Variants in DNAAF4 observed in about 807,000 individuals in gnomAD.
DNAAF4 encodes dynein axonemal assembly factor 4.
A neutral mutation model predicts 51.8 loss-of-function variants in DNAAF4; 43 were observed. The ratio of observed to expected loss-of-function variants is 0.83; its 90% CI spans 0.65 to 1.07. The LOEUF (loss-of-function observed/expected upper bound fraction) is 1.07, where lower values mean the gene tolerates loss of function less well. Among genes scored for constraint, DNAAF4 ranks in the 50% least tolerant of loss-of-function variants. The pLI, the probability that DNAAF4 is intolerant of heterozygous loss-of-function variation, is 0.00. For synonymous variants in DNAAF4, 194 were observed against 165.6 expected, an observed-to-expected ratio of 1.17 and a Z score of -1.32; for missense variants, 581 against 493.0, an observed-to-expected ratio of 1.18 and a Z score of -1.69.
chr15:55,447,869 G>GGCAGAGA lies in DNAAF4; in HGVS notation c.783+2352_783+2353insTCTCTGC, dbSNP rs1315802882. Among the ~76,000 whole-genome samples, 7 of 144,512 alleles carry GGCAGAGA rather than the reference G, an allele frequency of 4.8e-5. No individual in the cohort carries two copies. The East Asian group carries it at 1.6e-3, about 32-fold the overall frequency. The allele number at this position is 144,512 out of a possible 152,430, so 94.8% of individuals were successfully genotyped here. On this transcript the variant is annotated intron_variant, in intron 6 of 9. Coordinates refer to ENST00000321149, the MANE Select transcript of DNAAF4 (RefSeq NM_130810.4). ...AGAGGGCAGAGGGGAGAGGGGAGAG[G>GGCAGAGA]GGAGAGGGGAGAGGGGAGCCCCTTT...
downstream of DNAAF4, among the ~76,000 whole-genome samples, chr15:55,429,157 G>T (rs2057461220): frequency 6.6e-6 from 1 of 151,930 alleles, no homozygotes; most frequent in Non-Finnish European, 1.5e-5. Flanking sequence ...AGGAGACGGA[G>T]GTTGCAGTGA....
At chr15:55,486,331 T>C (rs948702931) in intron 4 of DNAAF4, among the ~76,000 whole-genome samples, 5 of 151,744 alleles carry the variant, frequency 3.3e-5, no homozygotes, top group African/African-American at 9.7e-5. Flanking sequence ...GTAGCTAAGA[T>C]TACAGGTGCC....
intron 1 of DNAAF4, among the ~76,000 whole-genome samples, chr15:55,504,972 G>T (rs181868649): frequency 1.3e-5 from 2 of 152,278 alleles, no homozygotes; most frequent in East Asian, 3.9e-4. Flanking sequence ...ACTATCATCA[G>T]AGTGAACAGG....
intron 7 of DNAAF4, among the ~76,000 whole-genome samples, chr15:55,420,341 A>C (rs2057378235): frequency 7.0e-6 from 1 of 142,508 alleles, no homozygotes; most frequent in Non-Finnish European, 1.5e-5. Context: ...CTTTGATTCT[A>C]CTACACACAG....
chr15:55,490,589 C>T (rs1447943492), intron 4 of DNAAF4, among the ~76,000 whole-genome samples: 2 of 151,988 alleles, frequency 1.3e-5, no homozygotes, highest in Non-Finnish European at 2.9e-5. Flanking sequence ...ATTTTTACTC[C>T]CCTAGAAATA....
chr15:55,498,357 G>T lies in DNAAF4; in HGVS notation c.-28C>A. ...CGGTAGCAACGGGAGCGGATAGCGC[G>T]GCTGGTTGCTTCTTGCGCCTGCTTG... On this transcript the variant is annotated 5_prime_UTR_variant, in exon 2 of 10. Transcript: ENST00000321149. 6.3e-7 allele frequency: 1 copy of T among 1,590,482 alleles called. No homozygotes were observed. The highest frequency in any genetic ancestry group is 1.4e-5 in the African/African-American group (1 of 74,058).
Position 55,432,505 on chromosome 15 carries a change from T to C in DNAAF4, c.1145A>G (p.Tyr382Cys). ...RGTAFCQLEL[Y>C]VEGLQDYEAA... Reference sequence around the variant, plus strand: ...TTCTATCAATTCCTTACCTTCTACATACAATTCTAGTTGACAGAATGCTGT... The same window carrying C: ...TTCTATCAATTCCTTACCTTCTACACACAATTCTAGTTGACAGAATGCTGT... Residue 382 changes from tyrosine to cysteine, a missense_variant, in exon 9 of 10, where the codon TAT (tyrosine) becomes TGT (cysteine). Transcript: ENST00000321149. 1 of 1,610,318 alleles carries C rather than the reference T, an allele frequency of 6.2e-7. No individual in the cohort carries two copies. Among genetic ancestry groups the C allele is most frequent in the Non-Finnish European group, 8.5e-7 (1 of 1,177,654 alleles).
intron 5 of DNAAF4, among the ~76,000 whole-genome samples, chr15:55,455,888 T>G (rs2058013318): frequency 6.6e-6 from 1 of 151,954 alleles, no homozygotes; most frequent in Non-Finnish European, 1.5e-5. Context: ...AACATCTATT[T>G]CCTCTAAAAT....
rs748362263 is a variant in DNAAF4 at position 55,491,196 on chromosome 15, GCT to G, written c.330_331del (p.Arg110SerfsTer27). ...AGCTTTTGCTTCTGTAGCTTCTTTT[GCT>G]CTCTCTTGTGCTTGTAAAATAGATT... is the stretch of plus-strand genomic sequence containing the variant. On this transcript the variant is annotated frameshift_variant, in exon 4 of 10. Coordinates refer to ENST00000321149, the MANE Select transcript of DNAAF4 (RefSeq NM_130810.4). LOFTEE classifies it high-confidence loss of function. 1.9e-6 allele frequency: 3 copies of G among 1,613,748 alleles called. No individual in the cohort carries two copies. The highest frequency in any genetic ancestry group is 1.7e-6 in the Non-Finnish European group (2 of 1,179,948).
intron 4 of DNAAF4, among the ~76,000 whole-genome samples, chr15:55,485,590 T>C (rs8043049): frequency 0.29 from 43,446 of 151,944 alleles, 6,711 homozygotes; most frequent in Non-Finnish European, 0.35. Context: ...AAAAGATCAG[T>C]TGGAAAAAAG....
intron 3 of DNAAF4, among the ~76,000 whole-genome samples, chr15:55,491,460 G>C (rs2058569909): frequency 6.7e-6 from 1 of 149,666 alleles, no homozygotes; most frequent in South Asian, 2.1e-4. Context: ...TGAATGACTA[G>C]AGAATGAAGG....
At chr15:55,461,596 T>C (rs951942024) in intron 5 of DNAAF4, among the ~76,000 whole-genome samples, 1 of 152,036 alleles carries the variant, frequency 6.6e-6, no homozygotes, top group African/African-American at 2.4e-5. Flanking sequence ...TGAACGATAA[T>C]AGTGACACAA....
intron 2 of DNAAF4, 21 bp from the exon 3 acceptor site, chr15:55,497,880 A>T: frequency 1.3e-6 from 2 of 1,578,700 alleles, no homozygotes; most frequent in Non-Finnish European, 1.7e-6. Flanking sequence ...GGGTGAAAAC[A>T]GAAACTAAGT....
intron 6 of DNAAF4, chr15:55,443,040 C>A: frequency 1.2e-6 from 2 of 1,611,088 alleles, no homozygotes; most frequent in Middle Eastern, 1.7e-4. Context: ...GGGCCTGTGA[C>A]ACTTGTTCTT....
chr15:55,450,217 T>C lies in DNAAF4; in HGVS notation c.783+5A>G, dbSNP rs781340117. ...GGTAATTGTAACTAGAGTAAGTATATATACCTCCTCCTCTTCTGCTACTTG... is the reference window on the plus strand; with the variant it reads ...GGTAATTGTAACTAGAGTAAGTATACATACCTCCTCCTCTTCTGCTACTTG... On this transcript the variant is annotated splice_donor_5th_base_variant and intron_variant, in intron 6 of 9. Coordinates refer to ENST00000321149, the MANE Select transcript of DNAAF4 (RefSeq NM_130810.4). 5.8e-5 allele frequency: 93 copies of C among 1,607,180 alleles called. 2 individuals are homozygous for C. In the South Asian group the frequency reaches 1.0e-3, roughly 17 times the overall value.
rs183166041 is a variant in DNAAF4 at position 55,446,004 on chromosome 15, G to A, written c.783+4218C>T. Among the ~76,000 whole-genome samples the A allele has an allele frequency of 9.3e-3, 1,183 of 127,430 alleles. 4 individuals carry two copies. The highest frequency in any genetic ancestry group is 0.013 in the Non-Finnish European group (768 of 60,046). The allele number at this position is 127,430 out of a possible 152,430, so 83.6% of individuals were successfully genotyped here. A position where few individuals can be genotyped will look rare whatever the true frequency, so the allele number is the denominator to read the frequency against. On this transcript the variant is annotated intron_variant, in intron 6 of 9. Transcript: ENST00000321149. ...TCCTCACATCCCAGACGGGGTGGCC[G>A]GGCAGAGGCGCTCCTCACCTCCCAG...
intron 3 of DNAAF4, among the ~76,000 whole-genome samples, chr15:55,491,676 ATATTATAT>A (rs1486843047): frequency 3.5e-5 from 5 of 141,952 alleles, no homozygotes; most frequent in South Asian, 4.3e-4. Flanking sequence ...ATTATAGATA[ATATTATAT>A]TATTATATAA....
chr15:55,460,849 C>T (rs1368301434), intron 5 of DNAAF4, among the ~76,000 whole-genome samples: 1 of 151,802 alleles, frequency 6.6e-6, no homozygotes, highest in Non-Finnish European at 1.5e-5. Flanking sequence ...ACCGCAACCT[C>T]CACCTCTTGG....
chr15:55,491,301 GCTTTA>G lies in DNAAF4; in HGVS notation c.272-50_272-46del, dbSNP rs769911627. 16 of 1,572,616 alleles carry G rather than the reference GCTTTA, an allele frequency of 1.0e-5. No homozygotes were observed. In the African/African-American group the frequency reaches 2.0e-4, roughly 20 times the overall value. On this transcript the variant is annotated intron_variant, in intron 3 of 9. Transcript: ENST00000321149. ...GCTAAATTAGAATTATGACAAATTTGCTTTACTTATGAGAAAACTACTTAAATAAA... is the reference window on the plus strand; with the variant it reads ...GCTAAATTAGAATTATGACAAATTTGCTTATGAGAAAACTACTTAAATAAA...
Sources: allele counts gnomAD v4.1 joint callset (sites outside exome capture counted in the v4.1 genomes callset), GRCh38; gene constraint gnomAD v4.1.1; transcripts MANE v1.5; gene names NCBI Gene and HGNC (gene_info 2026-07-23, HGNC 2026-07-21).